USH2A: variants seen among roughly 807,000 people sequenced by gnomAD.
USH2A encodes the protein usherin, also known as Usher syndrome 2A (autosomal recessive, mild).
A neutral mutation model predicts 538.9 loss-of-function variants in USH2A; 443 were observed. The observed-to-expected ratio is 0.82, with a 90% confidence interval of 0.76 to 0.89. The LOEUF is 0.89. Among genes scored for constraint, USH2A ranks in the 40% least tolerant of loss-of-function variants. USH2A has a pLI of 0.00. For missense variants in USH2A, 6,633 were observed against 6,324.8 expected (o/e 1.05, Z -1.65); for synonymous variants, 2,413 against 2,273.5 (o/e 1.06, Z -1.75).
chr1:215,903,436 AG>A lies in USH2A; in HGVS notation c.7301-2532del, dbSNP rs148108860. ...ATGATATCAAAGGAAGGTTTTCTAA[AG>A]ACTGGAAGATGTTGCAGCATATAGG... On this transcript the variant is annotated intron_variant, in intron 38 of 71. Coordinates refer to ENST00000307340, the MANE Select transcript of USH2A (RefSeq NM_206933.4). 3.9e-3 allele frequency among the ~76,000 whole-genome samples: 592 copies of A among 152,212 alleles called. 5 individuals are homozygous for A. The highest frequency in any genetic ancestry group is 0.014 in the African/African-American group (568 of 41,560).
At chr1:216,328,955 A>C (rs535704903) in intron 4 of USH2A, among the ~76,000 whole-genome samples, 1 of 152,312 alleles carries the variant, frequency 6.6e-6, no homozygotes, top group East Asian at 1.9e-4. Context: ...GATGTAGTCT[A>C]AGAAAAATAC....
chr1:216,047,049 T>C (rs901873444), intron 31 of USH2A, among the ~76,000 whole-genome samples: 3 of 152,192 alleles, frequency 2.0e-5, no homozygotes, highest in East Asian at 1.9e-4. Context: ...CAATTACATA[T>C]GAAAACTTTA....
chr1:216,251,913 A>G (rs771801760), intron 11 of USH2A, among the ~76,000 whole-genome samples: 8 of 152,162 alleles, frequency 5.3e-5, no homozygotes, highest in Non-Finnish European at 1.2e-4. Flanking sequence ...ATGCCTATTG[A>G]TATTGATCCT....
chr1:216,196,452 T>C (rs1403982640), intron 19 of USH2A, 101 bp downstream of exon 19: 1 of 1,353,466 alleles, frequency 7.4e-7, no homozygotes, highest in African/African-American at 1.4e-5. Flanking sequence ...GTTTAATCAA[T>C]ATAGAGGGAG....
intron 69 of USH2A, among the ~76,000 whole-genome samples, chr1:215,636,350 T>A (rs977218566): frequency 6.6e-6 from 1 of 152,198 alleles, no homozygotes; most frequent in Non-Finnish European, 1.5e-5. Context: ...GATATTACTT[T>A]GCCAACCCTA....
intron 37 of USH2A, among the ~76,000 whole-genome samples, chr1:215,954,328 T>C (rs1390254165): frequency 1.3e-5 from 2 of 151,980 alleles, no homozygotes; most frequent in African/African-American, 4.8e-5. Context: ...TGTCCAACAA[T>C]GATAGACTGG....
At chr1:216,115,485 C>A (rs1022814136) in intron 21 of USH2A, among the ~76,000 whole-genome samples, 3 of 152,028 alleles carry the variant, frequency 2.0e-5, no homozygotes. Flanking sequence ...ATCAAGATTT[C>A]TCAAGAAAAA....
At chr1:216,027,990 T>C (rs1344567932) in intron 32 of USH2A, among the ~76,000 whole-genome samples, 1 of 152,210 alleles carries the variant, frequency 6.6e-6, no homozygotes, top group African/African-American at 2.4e-5. Flanking sequence ...TAACTAACTT[T>C]ATGATTTCAG....
At chr1:216,401,821 A>G (rs1290090886) in intron 3 of USH2A, among the ~76,000 whole-genome samples, 1 of 152,116 alleles carries the variant, frequency 6.6e-6, no homozygotes, top group South Asian at 2.1e-4. Context: ...TACAGCTGAA[A>G]GGAGAAATAG....
intron 34 of USH2A, among the ~76,000 whole-genome samples, chr1:215,996,695 A>G (rs149299362): frequency 2.6e-4 from 39 of 147,868 alleles, no homozygotes; most frequent in African/African-American, 9.2e-4. Flanking sequence ...CCTTTATGAA[A>G]TGATGTCCTT....
chr1:215,648,121 G>T (rs1317863693), intron 66 of USH2A, among the ~76,000 whole-genome samples: 2 of 152,012 alleles, frequency 1.3e-5, no homozygotes, highest in Non-Finnish European at 2.9e-5. Context: ...TTCAAACAGT[G>T]GTTTATGACA....
chr1:216,304,435 T>C (rs926835724), intron 9 of USH2A, among the ~76,000 whole-genome samples: 1 of 152,036 alleles, frequency 6.6e-6, no homozygotes, highest in African/African-American at 2.4e-5. Flanking sequence ...ACTTTGTGGT[T>C]TGACAGCAAA....
At chr1:216,019,955 A>C (rs1668809363) in intron 32 of USH2A, among the ~76,000 whole-genome samples, 1 of 152,208 alleles carries the variant, frequency 6.6e-6, no homozygotes, top group South Asian at 2.1e-4. Flanking sequence ...AAAGTGTTTG[A>C]TGTTGCAAGT....
At chr1:215,644,904 AG>A (rs1656798857) in intron 67 of USH2A, among the ~76,000 whole-genome samples, 1 of 152,210 alleles carries the variant, frequency 6.6e-6, no homozygotes, top group African/African-American at 2.4e-5. Flanking sequence ...TTAGAAGGGT[AG>A]AAGGAACTTT....
intron 32 of USH2A, among the ~76,000 whole-genome samples, chr1:216,039,659 T>A (rs2030173652): frequency 6.6e-6 from 1 of 152,060 alleles, no homozygotes; most frequent in South Asian, 2.1e-4. Flanking sequence ...GAAAAGAGCT[T>A]CTGTAAGCCA....
intron 30 of USH2A, among the ~76,000 whole-genome samples, chr1:216,056,372 T>C (rs1000971696): frequency 6.6e-6 from 1 of 152,188 alleles, no homozygotes; most frequent in Non-Finnish European, 1.5e-5. Context: ...CAAGGTCCCC[T>C]GCTACAAGCC....
chr1:216,242,370 G>GA lies in USH2A; in HGVS notation c.2809+4214dup, dbSNP rs546449986. ...GACTCCATCTCAAAAGAAAAAAAAA[G>GA]AAAAAAAAAATATATATATATGTAT... On this transcript the variant is annotated intron_variant, in intron 13 of 71. Coordinates refer to ENST00000307340, the MANE Select transcript of USH2A (RefSeq NM_206933.4). 3.1e-3 allele frequency among the ~76,000 whole-genome samples: 448 copies of GA among 143,392 alleles called. 2 individuals are homozygous for GA. The highest frequency in any genetic ancestry group is 4.3e-3 in the Admixed American group (62 of 14,380). 94.1% of individuals were successfully genotyped at this position (143,392 alleles called of 152,430 possible).
At chr1:215,754,461 T>C (rs1260876539) in intron 58 of USH2A, among the ~76,000 whole-genome samples, 1 of 152,126 alleles carries the variant, frequency 6.6e-6, no homozygotes, top group Non-Finnish European at 1.5e-5. Flanking sequence ...TAGACATTTT[T>C]TTTCCCAGCA....
rs1445505111 is a variant in USH2A at position 216,231,977 on chromosome 1, A to C, written c.2969T>G (p.Phe990Cys). ...CCTTCCAGTCTGAGGATCAAATCCAAAGTAATGGTCTTTGCATTGGTCACA... is the reference window on the plus strand; with the variant it reads ...CCTTCCAGTCTGAGGATCAAATCCACAGTAATGGTCTTTGCATTGGTCACA... ...QRCDQCKDHY[F>C]GFDPQTGRCQ... Residue 990 changes from phenylalanine (F) to cysteine (C), a missense_variant, in exon 14 of 72, where the codon TTT becomes TGT. Physicochemically the swap from Phe to Cys is radical, Grantham distance 205. Transcript: ENST00000307340. 6.2e-7 allele frequency: 1 copy of C among 1,614,040 alleles called. No individual in the cohort carries two copies. Among genetic ancestry groups the C allele is most frequent in the South Asian group, 1.1e-5 (1 of 91,084 alleles).
Sources: gnomAD v4.1 joint callset for allele counts (sites outside exome capture counted in the v4.1 genomes callset) on GRCh38, gnomAD v4.1.1 for gene constraint, MANE v1.5 for transcripts, NCBI Gene and HGNC (gene_info 2026-07-23, HGNC 2026-07-21) for gene names.